TTC39C: variants seen among roughly 807,000 people sequenced by gnomAD.
The protein encoded by TTC39C is tetratricopeptide repeat domain 39C.
A neutral mutation model predicts 76.3 loss-of-function variants in TTC39C; 33 were observed. The ratio of observed to expected loss-of-function variants is 0.43; its 90% CI spans 0.33 to 0.58. The LOEUF is 0.58. Among genes scored for constraint, TTC39C ranks in the 20% least tolerant of loss-of-function variants. The pLI is 0.04. For missense variants in TTC39C, 595 were observed against 701.4 expected (o/e 0.85, Z 1.71); for synonymous variants, 254 against 260.6 (o/e 0.97, Z 0.24).
At chr18:23,993,917 T>C (rs1434649031) in intron 1 of TTC39C, among the ~76,000 whole-genome samples, 5 of 152,254 alleles carry the variant, frequency 3.3e-5, no homozygotes, top group Non-Finnish European at 5.9e-5. Flanking sequence ...ACCACCCTAA[T>C]GGTTCATATG....
chr18:24,098,417 C>T (rs997268546), intron 6 of TTC39C, among the ~76,000 whole-genome samples: 1 of 126,746 alleles, frequency 7.9e-6, no homozygotes, highest in Admixed American at 8.3e-5. Context: ...TCCCTCCCTC[C>T]TTCCTTCCTT....
intron 6 of TTC39C, chr18:24,099,113 CGTGTGTGT>C (rs199519942): frequency 0.34 from 45,888 of 134,588 alleles, 7,757 homozygotes; most frequent in South Asian, 0.51. Flanking sequence ...ATATATAAAA[CGTGTGTGT>C]GTGTGTGTGT....
rs1386196272 is a variant in TTC39C, at chr18:24,134,262, T to G, written c.*1688T>G. 1.6e-4 allele frequency: 8 copies of G among 51,004 alleles called. No individual in the cohort carries two copies. The highest frequency in any genetic ancestry group is 3.0e-4 in the African/African-American group (4 of 13,488). 3.2% of individuals were successfully genotyped at this position (51,004 alleles called of 1,614,324 possible). A position where few individuals can be genotyped will look rare whatever the true frequency, so the allele number is the denominator to read the frequency against. On this transcript the variant is annotated 3_prime_UTR_variant, in exon 14 of 14. Coordinates refer to ENST00000317571, the MANE Select transcript of TTC39C (RefSeq NM_001135993.2). ...CCCAAAAATATTGGACATCTGTTTTTTGTTTTTTTTTTTTTTTTTTTTTTT... is the reference window on the plus strand; with the variant it reads ...CCCAAAAATATTGGACATCTGTTTTGTGTTTTTTTTTTTTTTTTTTTTTTT...
intron 6 of TTC39C, among the ~76,000 whole-genome samples, chr18:24,094,872 T>G (rs34766958): frequency 0.13 from 19,410 of 152,248 alleles, 1,527 homozygotes; most frequent in East Asian, 0.18. Context: ...AAATGTTAAG[T>G]GAGCATTGTC....
intron 4 of TTC39C, among the ~76,000 whole-genome samples, chr18:24,075,042 A>G (rs111443710): frequency 0.079 from 12,073 of 152,004 alleles, 1,235 homozygotes; most frequent in African/African-American, 0.24. Flanking sequence ...TGAGCAAACT[A>G]TTGTAAGGAC....
At chr18:24,023,993 TATATA>T (rs1568409063) in intron 1 of TTC39C, among the ~76,000 whole-genome samples, 3 of 5,898 alleles carry the variant, frequency 5.1e-4, no homozygotes, top group Non-Finnish European at 8.3e-4. Flanking sequence ...TATATATATA[TATATA>T]TATATATATA....
chr18:24,114,326 G>A (rs2084863246), intron 6 of TTC39C: 2 of 403,020 alleles, frequency 5.0e-6, no homozygotes, highest in South Asian at 2.6e-5. Flanking sequence ...GGCGGCGCGA[G>A]CTGAGCCCTT....
Position 24,128,950 on chromosome 18 carries a change from C to T in TTC39C, c.1485C>T (p.His495=). The part of the protein sequence containing the change: ...GLKYLLLGAI[H]KCLGNSEDAV... Reference sequence around the variant, plus strand: ...AGTATTTGCTTCTTGGTGCCATACACAAATGTCTAGGAAACTCAGAAGATG... The same window carrying T: ...AGTATTTGCTTCTTGGTGCCATACATAAATGTCTAGGAAACTCAGAAGATG... Residue 495 remains histidine (H), a synonymous_variant, in exon 11 of 14, where the codon CAC becomes CAT. Coordinates refer to ENST00000317571, the MANE Select transcript of TTC39C (RefSeq NM_001135993.2). The T allele has an allele frequency of 2.5e-6, 4 of 1,613,562 alleles. No individual in the cohort carries two copies. The highest frequency in any genetic ancestry group is 2.2e-5 in the East Asian group (1 of 44,838).
chr18:24,088,897 CCTTA>C (rs1392151789), intron 6 of TTC39C, among the ~76,000 whole-genome samples: 1 of 152,206 alleles, frequency 6.6e-6, no homozygotes, highest in East Asian at 1.9e-4. Flanking sequence ...TGTCTCTGGA[CCTTA>C]CTTCCATCCA....
chr18:24,016,065 A>G (rs1362844544), intron 1 of TTC39C, among the ~76,000 whole-genome samples: 4 of 152,232 alleles, frequency 2.6e-5, no homozygotes, highest in African/African-American at 9.6e-5. Context: ...CAGAGTCTGT[A>G]AGAATGAGAA....
At position 24,113,477 on chromosome 18, in the gene TTC39C, T is replaced by C. The variant is rs1434118510; in HGVS notation, c.985-1077T>C. On this transcript the variant is annotated intron_variant, in intron 6 of 13. Transcript: ENST00000317571. ...TGGGGATAATGGGCACTTGGGAGCATTGGAGGGGGAGGAAGCATAGAGAAA... is the reference window on the plus strand; with the variant it reads ...TGGGGATAATGGGCACTTGGGAGCACTGGAGGGGGAGGAAGCATAGAGAAA... 1.8e-5 allele frequency: 12 copies of C among 649,534 alleles called. No individual in the cohort carries two copies. The East Asian group carries it at 2.5e-4, about 14-fold the overall frequency. The allele number at this position is 649,534 out of a possible 1,614,324, so 40.2% of individuals were successfully genotyped here.
In TTC39C at chr18:24,094,464, A is replaced by G. The variant is rs373006451; in HGVS notation, c.984+11383A>G. On this transcript the variant is annotated intron_variant, in intron 6 of 13. Transcript: ENST00000317571. ...GTAAATCCTTTCCAGAGGGTTTTCA[A>G]TTTACTTTGCTCAGATCCATCAGAG... Among the ~76,000 whole-genome samples the G allele has an allele frequency of 3.9e-5, 6 of 152,224 alleles. No homozygotes were observed. In the East Asian group the frequency reaches 5.8e-4, roughly 15 times the overall value.
intron 1 of TTC39C, chr18:24,006,574 C>CGGGGCG (rs1175818569): frequency 4.8e-4 from 1 of 2,094 alleles, no homozygotes; most frequent in African/African-American, 4.1e-3. Context: ...TTAATGCTAT[C>CGGGGCG]GGGGCGGGGG....
rs375333859 is a variant in TTC39C, at chr18:24,125,518, G to C, written c.1388G>C (p.Cys463Ser). 5.6e-6 allele frequency: 9 copies of C among 1,614,148 alleles called. No individual in the cohort carries two copies. The highest frequency in any genetic ancestry group is 7.6e-6 in the Non-Finnish European group (9 of 1,180,028). Residue 463 changes from cysteine (C) to serine (S), a missense_variant, in exon 10 of 14, where the codon TGT becomes TCT. Transcript: ENST00000317571. ...TACTTGTGGAAAGCTCTTCCAAACT[G>C]TTCCTTCCCCAACCTGCAGAGGATG... The part of the protein sequence containing the change: ...VLYLWKALPN[C>S]SFPNLQRMSQ...
chr18:24,106,874 G>A (rs12454273), intron 6 of TTC39C, among the ~76,000 whole-genome samples: 24,308 of 152,044 alleles, frequency 0.16, 2,191 homozygotes, highest in Non-Finnish European at 0.18. Context: ...TAGTAGAGAC[G>A]GGGTTTCACC....
intron 3 of TTC39C, among the ~76,000 whole-genome samples, chr18:24,066,797 T>C (rs2084171183): frequency 6.6e-6 from 1 of 152,188 alleles, no homozygotes; most frequent in African/African-American, 2.4e-5. Context: ...TTGTTTATGG[T>C]GTCCACCATG....
chr18:24,076,503 C>T (rs866016030), intron 4 of TTC39C, among the ~76,000 whole-genome samples: 1 of 151,866 alleles, frequency 6.6e-6, no homozygotes, highest in African/African-American at 2.4e-5. Flanking sequence ...CAGTGCAGAG[C>T]GTCCTGTTCT....
At chr18:24,010,802 C>T (rs957049125), upstream of TTC39C, among the ~76,000 whole-genome samples, 2 of 152,164 alleles carry the variant, frequency 1.3e-5, no homozygotes, top group East Asian at 3.9e-4. Context: ...AATCCCAGCA[C>T]TCTAAGAGGC....
chr18:24,057,936 G>A (rs554370011), intron 1 of TTC39C, among the ~76,000 whole-genome samples: 1 of 152,316 alleles, frequency 6.6e-6, no homozygotes, highest in Non-Finnish European at 1.5e-5. Flanking sequence ...TTGGAGACTG[G>A]ATAAAGAAAA....
Sources: allele counts gnomAD v4.1 joint callset (sites outside exome capture counted in the v4.1 genomes callset), GRCh38; gene constraint gnomAD v4.1.1; transcripts MANE v1.5; gene names NCBI Gene and HGNC (gene_info 2026-07-23, HGNC 2026-07-21).